FAM107B: variants seen among roughly 807,000 people sequenced by gnomAD.
The protein encoded by FAM107B is family with sequence similarity 107 member B.
FAM107B carries 21 observed loss-of-function variants against 31.5 expected under a neutral mutation model. The ratio of observed to expected loss-of-function variants is 0.67; its 90% confidence interval spans 0.47 to 0.96. FAM107B has a LOEUF of 0.96. Ranked by LOEUF, FAM107B falls within the 40% of genes least tolerant of loss-of-function variation. FAM107B has a pLI of 0.00. For synonymous variants in FAM107B, 157 were observed against 141.5 expected (o/e 1.11, Z -0.78); for missense variants, 452 against 377.1 (o/e 1.20, Z -1.64).
intron 1 of FAM107B, among the ~76,000 whole-genome samples, chr10:14,773,940 T>C (rs1272838420): frequency 1.3e-5 from 2 of 152,210 alleles, no homozygotes; most frequent in African/African-American, 4.8e-5. Context: ...AAAATGTTTT[T>C]GTAAACTATC....
At chr10:14,665,800 C>T (rs1054533720) in intron 2 of FAM107B, among the ~76,000 whole-genome samples, 5 of 152,186 alleles carry the variant, frequency 3.3e-5, no homozygotes, top group African/African-American at 9.7e-5. Context: ...AATTGAATTG[C>T]TCCTTCCTCA....
chr10:14,750,593 C>T (rs1393662959), intron 1 of FAM107B, among the ~76,000 whole-genome samples: 1 of 152,126 alleles, frequency 6.6e-6, no homozygotes, highest in Non-Finnish European at 1.5e-5. Context: ...GCCTGGGCAA[C>T]AGAGTGAGAC....
intron 2 of FAM107B, among the ~76,000 whole-genome samples, chr10:14,573,576 CAAA>C (rs774786735): frequency 2.5e-5 from 3 of 122,054 alleles, no homozygotes; most frequent in Non-Finnish European, 3.3e-5. Context: ...ATTAAAAATA[CAAA>C]AAAAAAAAAA....
chr10:14,552,878 A>G (rs550366547), intron 2 of FAM107B, among the ~76,000 whole-genome samples: 1 of 152,260 alleles, frequency 6.6e-6, no homozygotes, highest in African/African-American at 2.4e-5. Context: ...CCACTAAACT[A>G]ATTTTATGAC....
chr10:14,532,037 G>A (rs1425921127), intron 2 of FAM107B, among the ~76,000 whole-genome samples: 3 of 152,138 alleles, frequency 2.0e-5, no homozygotes, highest in Non-Finnish European at 2.9e-5. Flanking sequence ...AATAGGCACC[G>A]GACCCAGGTC....
chr10:14,564,990 C>T (rs1259918365), intron 2 of FAM107B, among the ~76,000 whole-genome samples: 3 of 152,148 alleles, frequency 2.0e-5, no homozygotes, highest in African/African-American at 7.2e-5. Flanking sequence ...AAGTCTGAGG[C>T]AGGAGGATCA....
intron 1 of FAM107B, among the ~76,000 whole-genome samples, chr10:14,753,191 A>T (rs2131583895): frequency 6.6e-6 from 1 of 152,356 alleles, no homozygotes; most frequent in South Asian, 2.1e-4. Flanking sequence ...AAACACAGGC[A>T]GAGCACACAC....
chr10:14,613,192 G>A (rs1409398859), intron 2 of FAM107B, among the ~76,000 whole-genome samples: 3 of 152,022 alleles, frequency 2.0e-5, no homozygotes, highest in African/African-American at 4.8e-5. Flanking sequence ...GGCTGGTCTC[G>A]AACTCCTGAC....
intron 2 of FAM107B, chr10:14,572,067 CTCTT>C (rs1851272365): frequency 1.0e-6 from 1 of 985,306 alleles, no homozygotes; most frequent in African/African-American, 1.7e-5. Flanking sequence ...ACAAAGAACT[CTCTT>C]TCTGGATATC....
intron 2 of FAM107B, among the ~76,000 whole-genome samples, chr10:14,562,402 A>C (rs1850319705): frequency 6.6e-6 from 1 of 152,266 alleles, no homozygotes; most frequent in Admixed American, 6.5e-5. Flanking sequence ...CAGCTGGAGA[A>C]GTCAGTGATA....
chr10:14,770,924 G>A (rs1307715912), intron 1 of FAM107B, among the ~76,000 whole-genome samples: 1 of 122,710 alleles, frequency 8.1e-6, no homozygotes, highest in African/African-American at 3.0e-5. Flanking sequence ...GGTAACTGAA[G>A]ATAGAGAGAG....
chr10:14,738,355 C>T (rs1856358911), intron 1 of FAM107B, among the ~76,000 whole-genome samples: 1 of 152,192 alleles, frequency 6.6e-6, no homozygotes, highest in African/African-American at 2.4e-5. Context: ...TAGGTCACCA[C>T]TGAGCTCACC....
chr10:14,637,500 G>T (rs148388373), intron 2 of FAM107B, among the ~76,000 whole-genome samples: 8 of 152,202 alleles, frequency 5.3e-5, no homozygotes, highest in African/African-American at 1.7e-4. Context: ...CAGGTGTGGT[G>T]GCTAACTTTT....
intron 1 of FAM107B, among the ~76,000 whole-genome samples, chr10:14,686,016 A>G (rs7915004): frequency 0.96 from 145,591 of 152,078 alleles, 70,002 homozygotes; most frequent in East Asian, 1. Context: ...CACGAGAACC[A>G]TCTAGGGGAC....
At chr10:14,713,275 G>A (rs931403561) in intron 1 of FAM107B, among the ~76,000 whole-genome samples, 4 of 152,158 alleles carry the variant, frequency 2.6e-5, no homozygotes, top group Admixed American at 1.3e-4. Context: ...TATCGAGAAC[G>A]TTCATATCAC....
intron 1 of FAM107B, among the ~76,000 whole-genome samples, chr10:14,679,073 C>A (rs1319429132): frequency 6.6e-6 from 1 of 152,170 alleles, no homozygotes; most frequent in Non-Finnish European, 1.5e-5. Context: ...AAATCCCAGT[C>A]CTGCCATGCA....
intron 1 of FAM107B, among the ~76,000 whole-genome samples, chr10:14,711,550 T>G (rs1855646890): frequency 6.6e-6 from 1 of 152,254 alleles, no homozygotes; most frequent in African/African-American, 2.4e-5. Flanking sequence ...TGTAGTAGCC[T>G]AGACCATCTA....
At chr10:14,597,626 T>C (rs556185065) in intron 2 of FAM107B, among the ~76,000 whole-genome samples, 1 of 152,344 alleles carries the variant, frequency 6.6e-6, no homozygotes, top group East Asian at 1.9e-4. Flanking sequence ...TGTCCGCATC[T>C]TGACATCACT....
intron 2 of FAM107B, among the ~76,000 whole-genome samples, chr10:14,575,955 T>C (rs1464999687): frequency 6.6e-6 from 1 of 152,032 alleles, no homozygotes; most frequent in South Asian, 2.1e-4. Context: ...CATAGACAGG[T>C]CTTGAAGACA....
Sources: gnomAD v4.1 joint callset for allele counts (sites outside exome capture counted in the v4.1 genomes callset) on GRCh38, gnomAD v4.1.1 for gene constraint, MANE v1.5 for transcripts, NCBI Gene and HGNC (gene_info 2026-07-23, HGNC 2026-07-21) for gene names.